REPS2: variants seen among roughly 807,000 people sequenced by gnomAD.
REPS2 encodes the protein RALBP1 associated Eps domain containing 2.
Under a neutral mutation model 53.6 loss-of-function variants are expected in REPS2, and 23 were observed. The observed-to-expected ratio is 0.43, with a 90% confidence interval of 0.31 to 0.61. REPS2 has a LOEUF of 0.61. Among genes scored for constraint, REPS2 ranks in the 20% least tolerant of loss-of-function variants. The probability of loss-of-function intolerance (pLI) is 0.11; values close to 1 mark genes in which losing one functional copy is unlikely to be tolerated. For synonymous variants in REPS2, 238 were observed against 218.6 expected (o/e 1.09, Z -0.78); for missense variants, 446 against 534.9 (o/e 0.83, Z 1.64).
chrX:17,075,218 T>C (rs1183617580), intron 12 of REPS2, among the ~76,000 whole-genome samples: 1 of 112,269 alleles, frequency 8.9e-6, no homozygotes, highest in Non-Finnish European at 1.9e-5. Flanking sequence ...TTTTACAAAC[T>C]AGTCTGTACT....
chrX:17,171,696 A>AT, the REPS2 span, among the ~76,000 whole-genome samples: 32 of 104,205 alleles, frequency 3.1e-4, no homozygotes, highest in South Asian at 1.3e-3. Context: ...ATTTTTATGT[A>AT]TTTTTTTTTT....
At chrX:17,012,838 TGAC>T (rs967001413) in intron 2 of REPS2, among the ~76,000 whole-genome samples, 1 of 112,234 alleles carries the variant, frequency 8.9e-6, no homozygotes, top group African/African-American at 3.2e-5. Context: ...GTAAAATTCT[TGAC>T]GAGATAAAAC....
chrX:16,985,573 A>G (rs1371196560), intron 1 of REPS2, among the ~76,000 whole-genome samples: 1 of 112,100 alleles, frequency 8.9e-6, no homozygotes, highest in Non-Finnish European at 1.9e-5. Context: ...TTTCTTAGAT[A>G]TAGAGAAGAC....
intron 17 of REPS2, among the ~76,000 whole-genome samples, chrX:17,143,228 C>T (rs2063470103): frequency 8.9e-6 from 1 of 111,881 alleles, no homozygotes; most frequent in South Asian, 3.7e-4. Context: ...AATGTGTCTT[C>T]TTTGTGGTGG....
intron 1 of REPS2, among the ~76,000 whole-genome samples, chrX:17,005,124 T>G (rs1358497117): frequency 8.9e-6 from 1 of 111,760 alleles, no homozygotes; most frequent in Non-Finnish European, 1.9e-5. Flanking sequence ...AATGTATATA[T>G]TCACAATAAG....
intron 13 of REPS2, among the ~76,000 whole-genome samples, chrX:17,098,445 T>C (rs1190148091): frequency 8.9e-6 from 1 of 111,915 alleles, no homozygotes; most frequent in African/African-American, 3.2e-5. Context: ...GTGTGAAGTT[T>C]ACATTCAAAC....
intron 1 of REPS2, among the ~76,000 whole-genome samples, chrX:16,971,172 G>T (rs1291853181): frequency 8.9e-6 from 1 of 112,071 alleles, no homozygotes; most frequent in Non-Finnish European, 1.9e-5. Context: ...CTATCTTTTT[G>T]ATTATGGCTA....
At position 16,968,540 on chromosome X, in the gene REPS2, C is replaced by T. The variant is rs375287586; in HGVS notation, c.273+21406C>T. On this transcript the variant is annotated intron_variant, in intron 1 of 17. Transcript: ENST00000357277. ...GGGGGCTGACCCCCCCACCTCCCTC[C>T]GGGACGGGGTGGCTGGCTGGGCAGA... 4.3e-4 allele frequency among the ~76,000 whole-genome samples: 43 copies of T among 101,171 alleles called. No homozygotes were observed. The East Asian group carries it at 0.011, about 25-fold the overall frequency. The allele number at this position is 101,171 out of a possible 115,157, so 87.9% of individuals were successfully genotyped here.
chrX:17,126,057 A>T lies in REPS2; in HGVS notation c.1579-7767A>T, dbSNP rs751620601. Among the ~76,000 whole-genome samples the T allele has an allele frequency of 5.3e-5, 6 of 112,650 alleles. No individual in the cohort carries two copies. In the East Asian group the frequency reaches 1.7e-3, roughly 31 times the overall value. On this transcript the variant is annotated intron_variant, in intron 14 of 17. Transcript: ENST00000357277. ...GACATACTGTTTTAAACTCCTTAAAAAATGCATAATTTATTAATGTCATGT... is the reference window on the plus strand; with the variant it reads ...GACATACTGTTTTAAACTCCTTAAATAATGCATAATTTATTAATGTCATGT...
chrX:17,174,804 CGCTGCTGCT>C, the REPS2 span, among the ~76,000 whole-genome samples: 1 of 112,462 alleles, frequency 8.9e-6, no homozygotes, highest in African/African-American at 3.2e-5. Flanking sequence ...CTGCCGCCGC[CGCTGCTGCT>C]GCTGCTGCTA....
At chrX:17,068,269 G>A (rs1006012560) in intron 9 of REPS2, 133 bp from the exon 10 acceptor site, 4 of 363,702 alleles carry the variant, frequency 1.1e-5, no homozygotes, top group Non-Finnish European at 2.0e-5. Flanking sequence ...AGCCGAGATC[G>A]CGCCACTGCA....
chrX:17,075,074 A>C (rs907812391), intron 12 of REPS2, among the ~76,000 whole-genome samples: 4 of 112,163 alleles, frequency 3.6e-5, no homozygotes, highest in Admixed American at 9.4e-5. Flanking sequence ...TATGTAAGAT[A>C]CAGATATCTA....
intron 1 of REPS2, among the ~76,000 whole-genome samples, chrX:16,960,282 G>A (rs1393647296): frequency 1.8e-5 from 2 of 111,066 alleles, no homozygotes; most frequent in Non-Finnish European, 1.9e-5. Context: ...CAGCAGGATC[G>A]CTGGAGCCGA....
At chrX:16,992,798 G>A (rs1049042333) in intron 1 of REPS2, among the ~76,000 whole-genome samples, 3 of 112,282 alleles carry the variant, frequency 2.7e-5, no homozygotes, top group Non-Finnish European at 5.6e-5. Context: ...CTTAAACATC[G>A]TAATAAACAA....
At chrX:17,168,967 G>A in the REPS2 span, among the ~76,000 whole-genome samples, 10 of 112,418 alleles carry the variant, frequency 8.9e-5, no homozygotes, top group East Asian at 2.2e-3. Flanking sequence ...TTGGGCCTCA[G>A]GTAGCTCAGT....
the REPS2 span, among the ~76,000 whole-genome samples, chrX:17,175,104 G>T: frequency 3.5e-5 from 4 of 112,933 alleles, no homozygotes; most frequent in East Asian, 8.3e-4. Flanking sequence ...TGACAGAGAA[G>T]GCCAGCACCA....
chrX:17,008,734 C>T (rs1027138820), intron 2 of REPS2, among the ~76,000 whole-genome samples: 2 of 111,788 alleles, frequency 1.8e-5, no homozygotes, highest in African/African-American at 6.5e-5. Flanking sequence ...TGACACAAAT[C>T]TTGAAGGCCA....
intron 2 of REPS2, among the ~76,000 whole-genome samples, chrX:17,016,760 C>CT (rs139092298): frequency 1.5e-3 from 96 of 63,618 alleles, no homozygotes; most frequent in African/African-American, 2.4e-3. Flanking sequence ...TTTCTTTTTT[C>CT]TTTTTTTTTT....
At position 16,969,530 on chromosome X, in the gene REPS2, C is replaced by T. The variant is rs2060849250; in HGVS notation, c.273+22396C>T. ...CTCCCGGTTAGGAGCTGGAGACCAGCCCGGCCAACACAGCGAAACCCCGTC... is the reference window on the plus strand; with the variant it reads ...CTCCCGGTTAGGAGCTGGAGACCAGTCCGGCCAACACAGCGAAACCCCGTC... On this transcript the variant is annotated intron_variant, in intron 1 of 17. Transcript: ENST00000357277. Among the ~76,000 whole-genome samples the T allele has an allele frequency of 3.7e-5, 4 of 108,388 alleles. No homozygotes were observed. The South Asian group carries it at 1.7e-3, about 45-fold the overall frequency. The allele number at this position is 108,388 out of a possible 115,157, so 94.1% of individuals were successfully genotyped here. A position where few individuals can be genotyped will look rare whatever the true frequency, so the allele number is the denominator to read the frequency against.
Sources: gnomAD v4.1 joint callset for allele counts (sites outside exome capture counted in the v4.1 genomes callset) on GRCh38, gnomAD v4.1.1 for gene constraint, MANE v1.5 for transcripts, NCBI Gene and HGNC (gene_info 2026-07-23, HGNC 2026-07-21) for gene names.